Variants in SLC17A1 observed in about 807,000 individuals in gnomAD.
SLC17A1 encodes the protein sodium-dependent phosphate transport protein 1.
SLC17A1 carries 51 observed loss-of-function variants against 53.5 expected under a neutral mutation model. That is an observed-to-expected ratio of 0.95 (90% CI 0.76 to 1.20). The LOEUF (loss-of-function observed/expected upper bound fraction) is 1.20, where lower values mean the gene tolerates loss of function less well. Among genes scored for constraint, SLC17A1 ranks in the 50% most tolerant of loss-of-function variants. SLC17A1 has a pLI of 0.00. For synonymous variants in SLC17A1, 179 were observed against 198.8 expected (o/e 0.90, Z 0.84); for missense variants, 538 against 568.2 (o/e 0.95, Z 0.54).
chr6:25,784,944 A>C (rs1295091437), intron 12 of SLC17A1, among the ~76,000 whole-genome samples: 1 of 152,208 alleles, frequency 6.6e-6, no homozygotes, highest in Non-Finnish European at 1.5e-5. Context: ...AATAAAAGGA[A>C]ACTAGATTGG....
At chr6:25,825,677 T>C (rs1163835043) in intron 3 of SLC17A1, among the ~76,000 whole-genome samples, 1 of 152,014 alleles carries the variant, frequency 6.6e-6, no homozygotes, top group Admixed American at 6.6e-5. Flanking sequence ...TTCTTGGATC[T>C]GTGGTTTGAT....
At chr6:25,762,538 T>C in the SLC17A1 span, among the ~76,000 whole-genome samples, 1 of 152,190 alleles carries the variant, frequency 6.6e-6, no homozygotes, top group African/African-American at 2.4e-5. Flanking sequence ...CTGTAGAACA[T>C]CTTATTTTAC....
At chr6:25,817,041 G>T (rs1215103141) in intron 6 of SLC17A1, among the ~76,000 whole-genome samples, 1 of 151,910 alleles carries the variant, frequency 6.6e-6, no homozygotes, top group Non-Finnish European at 1.5e-5. Context: ...TAGAGATGGG[G>T]TTTCACCATG....
At chr6:25,740,289 A>T in the SLC17A1 span, among the ~76,000 whole-genome samples, 1 of 152,212 alleles carries the variant, frequency 6.6e-6, no homozygotes, top group Non-Finnish European at 1.5e-5. Context: ...GTTACTTAGA[A>T]AACTAAAATA....
the SLC17A1 span, among the ~76,000 whole-genome samples, chr6:25,762,999 G>A: frequency 2.0e-4 from 30 of 152,068 alleles, no homozygotes; most frequent in African/African-American, 6.8e-4. Context: ...GTAAAAGCAC[G>A]GGTCAGAAAT....
At chr6:25,748,630 C>T in the SLC17A1 span, among the ~76,000 whole-genome samples, 1 of 152,116 alleles carries the variant, frequency 6.6e-6, no homozygotes, top group Non-Finnish European at 1.5e-5. Flanking sequence ...AGGACCTGCA[C>T]CGGCACCGGT....
At chr6:25,800,784 C>T in intron 11 of SLC17A1, 106 bp downstream of exon 11, 1 of 701,046 alleles carries the variant, frequency 1.4e-6, no homozygotes, top group Non-Finnish European at 2.5e-6. Context: ...TGCAAAAACT[C>T]ATAAGTCATC....
chr6:25,737,313 C>T, the SLC17A1 span, among the ~76,000 whole-genome samples: 2 of 152,084 alleles, frequency 1.3e-5, no homozygotes, highest in African/African-American at 2.4e-5. Context: ...ACTCTTGACT[C>T]AACTGGTCCT....
chr6:25,769,052 A>C, the SLC17A1 span: 2 of 1,614,068 alleles, frequency 1.2e-6, no homozygotes, highest in Non-Finnish European at 8.5e-7. Context: ...TTTACACCCA[A>C]CAAATGAACT....
the SLC17A1 span, among the ~76,000 whole-genome samples, chr6:25,727,976 C>G: frequency 6.6e-6 from 1 of 152,052 alleles, no homozygotes; most frequent in African/African-American, 2.4e-5. Context: ...GAGATCGTCA[C>G]TGCACTACAG....
the SLC17A1 span, among the ~76,000 whole-genome samples, chr6:25,730,390 G>A: frequency 6.6e-6 from 1 of 152,208 alleles, no homozygotes; most frequent in Non-Finnish European, 1.5e-5. Flanking sequence ...GATGTTAAGT[G>A]AAATGAGCGA....
intron 10 of SLC17A1, among the ~76,000 whole-genome samples, chr6:25,802,469 G>T (rs139774889): frequency 1.3e-5 from 2 of 151,870 alleles, no homozygotes; most frequent in African/African-American, 4.8e-5. Context: ...TTATTTATAT[G>T]AAATTATTAT....
intron 6 of SLC17A1, among the ~76,000 whole-genome samples, chr6:25,815,793 T>A (rs1023139089): frequency 6.6e-5 from 10 of 152,086 alleles, no homozygotes; most frequent in African/African-American, 2.4e-4. Context: ...TTTTGGTCAC[T>A]TTTTCAATCT....
the SLC17A1 span, among the ~76,000 whole-genome samples, chr6:25,741,439 G>T: frequency 6.7e-6 from 1 of 149,764 alleles, no homozygotes; most frequent in Non-Finnish European, 1.5e-5. Flanking sequence ...AAAAAAAAGG[G>T]CGCAGCGGGT....
chr6:25,798,448 C>CT (rs1375290084), intron 12 of SLC17A1: 1 of 196,832 alleles, frequency 5.1e-6, no homozygotes. Context: ...GCCAAAGGTC[C>CT]TTGCTCCCAA....
chr6:25,767,857 T>C, the SLC17A1 span, among the ~76,000 whole-genome samples: 39,534 of 152,140 alleles, frequency 0.26, 6,374 homozygotes, highest in East Asian at 0.68. Flanking sequence ...AATTTGTCTT[T>C]CTTTATTGAA....
At chr6:25,814,672 G>C (rs1185380454) in intron 6 of SLC17A1, among the ~76,000 whole-genome samples, 1 of 152,114 alleles carries the variant, frequency 6.6e-6, no homozygotes, top group Admixed American at 6.5e-5. Context: ...GAATTGCCAA[G>C]ACAGAAAAAA....
intron 10 of SLC17A1, among the ~76,000 whole-genome samples, chr6:25,802,881 G>T (rs2151483171): frequency 8.3e-6 from 1 of 121,046 alleles, no homozygotes; most frequent in African/African-American, 3.0e-5. Flanking sequence ...GATTTTCTTT[G>T]TATTTATCCT....
rs541824425 is a variant in SLC17A1, at chr6:25,824,792, G to A, written c.207+1669C>T. On this transcript the variant is annotated intron_variant, in intron 3 of 12. Transcript: ENST00000244527. ...TGTGAATGAAAAAAAAATTAACAAA[G>A]AACAGATTTAACAAATAGAAAACAG... is the stretch of plus-strand genomic sequence containing the variant. 7.9e-5 allele frequency among the ~76,000 whole-genome samples: 12 copies of A among 151,756 alleles called. No homozygotes were observed. In the South Asian group the frequency reaches 1.7e-3, roughly 21 times the overall value.
Sources: allele counts gnomAD v4.1 joint callset (sites outside exome capture counted in the v4.1 genomes callset), GRCh38; gene constraint gnomAD v4.1.1; transcripts MANE v1.5; gene names NCBI Gene and HGNC (gene_info 2026-07-23, HGNC 2026-07-21).